Variants in ACOT7 observed in about 807,000 individuals in gnomAD.
The protein encoded by ACOT7 is cytosolic acyl coenzyme A thioester hydrolase.
ACOT7 carries 12 observed loss-of-function variants against 40.2 expected under a neutral mutation model. That is an observed-to-expected ratio of 0.30 (90% CI 0.19 to 0.48). ACOT7 has a LOEUF of 0.48. ACOT7 is among the 20% of genes least tolerant of loss of function. The probability of loss-of-function intolerance (pLI) is 0.99; values close to 1 mark genes in which losing one functional copy is unlikely to be tolerated. For missense variants in ACOT7, 395 were observed against 530.8 expected, an observed-to-expected ratio of 0.74 and a Z score of 2.51; for synonymous variants, 228 against 219.5, an observed-to-expected ratio of 1.04 and a Z score of -0.34.
At chr1:6,343,639 G>A (rs925352443) in intron 2 of ACOT7, among the ~76,000 whole-genome samples, 3 of 152,268 alleles carry the variant, frequency 2.0e-5, no homozygotes, top group African/African-American at 7.2e-5. Flanking sequence ...GTTAGGGCAG[G>A]GCTGCACAGA....
intron 6 of ACOT7, among the ~76,000 whole-genome samples, chr1:6,297,614 C>A (rs1389024550): frequency 6.6e-6 from 1 of 152,184 alleles, no homozygotes; most frequent in African/African-American, 2.4e-5. Flanking sequence ...TTGTGGGCAT[C>A]TGGACTCTAC....
chr1:6,264,516 C>G lies in ACOT7; in HGVS notation c.*81G>C. The G allele has an allele frequency of 1.4e-6, 2 of 1,389,420 alleles. No homozygotes were observed. Among genetic ancestry groups the G allele is most frequent in the Non-Finnish European group, 9.8e-7 (1 of 1,022,926 alleles). The allele number at this position is 1,389,420 out of a possible 1,614,324, so 86.1% of individuals were successfully genotyped here. On this transcript the variant is annotated 3_prime_UTR_variant, in exon 9 of 9. Coordinates refer to ENST00000361521, the MANE Select transcript of ACOT7 (RefSeq NM_007274.4). ...CTCTCAATGTGAATTGGGTTTTTGGCCAAGGGGGGAACTTCTAAGTGACTG... is the reference window on the plus strand; with the variant it reads ...CTCTCAATGTGAATTGGGTTTTTGGGCAAGGGGGGAACTTCTAAGTGACTG...
chr1:6,272,679 C>A (rs1042651090), intron 8 of ACOT7, among the ~76,000 whole-genome samples: 8 of 152,206 alleles, frequency 5.3e-5, no homozygotes, highest in African/African-American at 1.9e-4. Context: ...TTGCTGAGAG[C>A]GCCGAGCCAA....
chr1:6,359,588 C>T lies in ACOT7; in HGVS notation c.144-9722G>A, dbSNP rs368881846. Among the ~76,000 whole-genome samples the T allele has an allele frequency of 3.2e-4, 49 of 152,126 alleles. No homozygotes were observed. Among genetic ancestry groups the T allele is most frequent in the African/African-American group, 1.0e-3 (43 of 41,424 alleles). ...CCGGCTGCCACCTGTGGGCCCTGTG[C>T]CCCCCAACCCGTACTCTCTTCACTC... On this transcript the variant is annotated intron_variant, in intron 1 of 8. Coordinates refer to ENST00000361521, the MANE Select transcript of ACOT7 (RefSeq NM_007274.4). The surrounding 1 kb of genome is among the most constrained non-coding windows in gnomAD (Gnocchi z 4.1).
chr1:6,273,592 C>T (rs1340942711), intron 8 of ACOT7, among the ~76,000 whole-genome samples: 2 of 152,324 alleles, frequency 1.3e-5, no homozygotes, highest in Non-Finnish European at 2.9e-5. Context: ...ACGCGGCAGG[C>T]GGTTCACCAA....
At chr1:6,307,420 AACAG>A (rs1380676107) in intron 6 of ACOT7, among the ~76,000 whole-genome samples, 2 of 152,260 alleles carry the variant, frequency 1.3e-5, no homozygotes, top group Non-Finnish European at 2.9e-5. Context: ...TGCAGGAGTG[AACAG>A]ACAGACAGAG....
At chr1:6,360,647 G>A (rs778083328) in intron 1 of ACOT7, 38 of 1,614,088 alleles carry the variant, frequency 2.4e-5, no homozygotes, top group South Asian at 1.1e-4. Flanking sequence ...TCCGAAGCAG[G>A]AGCATCGTCT....
At position 6,282,371 on chromosome 1, in the gene ACOT7, C is replaced by T. The variant is rs558624015; in HGVS notation, c.830-1085G>A. On this transcript the variant is annotated intron_variant, in intron 7 of 8. Coordinates refer to ENST00000361521, the MANE Select transcript of ACOT7 (RefSeq NM_007274.4). This position sits in a 1 kb window ranked among gnomAD's most constrained non-coding sequence, Gnocchi z 4.5. Reference sequence around the variant, plus strand: ...GTCACTGGCCACCAGGCTGCAGAAACCCCCGGGGACTTCCGGGGCAAGTGC... The same window carrying T: ...GTCACTGGCCACCAGGCTGCAGAAATCCCCGGGGACTTCCGGGGCAAGTGC... Among the ~76,000 whole-genome samples, 1 of 152,182 alleles carries T rather than the reference C, an allele frequency of 6.6e-6. No individual in the cohort carries two copies. The highest frequency in any genetic ancestry group is 6.5e-5 in the Admixed American group (1 of 15,286).
chr1:6,270,464 GC>G (rs1290937489), intron 8 of ACOT7, among the ~76,000 whole-genome samples: 9 of 152,208 alleles, frequency 5.9e-5, no homozygotes, highest in Admixed American at 2.0e-4. Context: ...GCTCCTCCGA[GC>G]CTCTGGGGCT....
At position 6,318,956 on chromosome 1, in the gene ACOT7, C is replaced by A. The variant is rs113403862; in HGVS notation, c.626-378G>T. Among the ~76,000 whole-genome samples, 547 of 152,314 alleles carry A rather than the reference C, an allele frequency of 3.6e-3. 3 individuals carry two copies. Among genetic ancestry groups the A allele is most frequent in the African/African-American group, 0.013 (528 of 41,556 alleles). On this transcript the variant is annotated intron_variant, in intron 5 of 8. Coordinates refer to ENST00000361521, the MANE Select transcript of ACOT7 (RefSeq NM_007274.4). The stretch of plus-strand genomic sequence containing the variant: ...ATTTCCAATTTTACAAGAAGTGCCA[C>A]AGTGTTTCTGTAATTTACTCCACAG...
intron 1 of ACOT7, among the ~76,000 whole-genome samples, chr1:6,385,242 G>C (rs1642415095): frequency 6.6e-6 from 1 of 151,814 alleles, no homozygotes; most frequent in Non-Finnish European, 1.5e-5. Flanking sequence ...CCACAGCCCA[G>C]GGTTGCCAGG....
intron 5 of ACOT7, among the ~76,000 whole-genome samples, chr1:6,323,735 AAAATATATATAT>A (rs1348897668): frequency 2.2e-4 from 12 of 54,000 alleles, no homozygotes; most frequent in Admixed American, 6.7e-4. Flanking sequence ...AAAAAAAAAA[AAAATATATATAT>A]ATATATATAT....
At chr1:6,286,851 C>G (rs991801987) in intron 7 of ACOT7, among the ~76,000 whole-genome samples, 8 of 152,212 alleles carry the variant, frequency 5.3e-5, no homozygotes, top group African/African-American at 1.9e-4. Context: ...ATGACAGGCC[C>G]AGGACAGTAA....
intron 1 of ACOT7, among the ~76,000 whole-genome samples, chr1:6,381,439 A>G (rs529684574): frequency 6.6e-6 from 1 of 152,026 alleles, no homozygotes; most frequent in East Asian, 1.9e-4. Flanking sequence ...GACATTCAAC[A>G]TCACTAAACA....
chr1:6,340,110 C>A (rs1175874416), intron 2 of ACOT7, among the ~76,000 whole-genome samples: 1 of 152,024 alleles, frequency 6.6e-6, no homozygotes, highest in African/African-American at 2.4e-5. Flanking sequence ...GGACTACAGG[C>A]GCCCGCCACC....
At chr1:6,325,991 G>C (rs1231200966) in intron 5 of ACOT7, among the ~76,000 whole-genome samples, 1 of 152,176 alleles carries the variant, frequency 6.6e-6, no homozygotes, top group African/African-American at 2.4e-5. Flanking sequence ...GCTGAGGGTG[G>C]AGGCAAAACA....
intron 1 of ACOT7, among the ~76,000 whole-genome samples, chr1:6,371,926 A>G (rs1415713437): frequency 6.6e-6 from 1 of 151,678 alleles, no homozygotes; most frequent in Non-Finnish European, 1.5e-5. Flanking sequence ...GCACCTGTAG[A>G]CCCAGCTACT....
chr1:6,375,102 C>G (rs988385054), intron 1 of ACOT7, among the ~76,000 whole-genome samples: 11 of 149,892 alleles, frequency 7.3e-5, no homozygotes, highest in African/African-American at 2.5e-4. Flanking sequence ...ACTGTGAAGC[C>G]CCGTCTCTAC....
At chr1:6,335,120 C>T (rs1456999999) in intron 3 of ACOT7, among the ~76,000 whole-genome samples, 5 of 152,036 alleles carry the variant, frequency 3.3e-5, no homozygotes, top group African/African-American at 1.2e-4. Flanking sequence ...CACCTGAGGT[C>T]AGGAGTTTGA....
Sources: allele counts gnomAD v4.1 joint callset (sites outside exome capture counted in the v4.1 genomes callset), GRCh38; gene constraint gnomAD v4.1.1; non-coding constraint Gnocchi (gnomAD v3.1); transcripts MANE v1.5; gene names NCBI Gene and HGNC (gene_info 2026-07-23, HGNC 2026-07-21).